Variants in HTR2C observed in about 807,000 individuals in gnomAD.
HTR2C encodes the protein 5-hydroxytryptamine receptor 2C.
In HTR2C, 5 loss-of-function variants were observed where a neutral mutation model predicts 21.0. That is an observed-to-expected ratio of 0.24 (90% CI 0.12 to 0.50). The LOEUF (loss-of-function observed/expected upper bound fraction) is 0.50, where lower values mean the gene tolerates loss of function less well. Ranked by LOEUF, HTR2C falls within the 20% of genes least tolerant of loss-of-function variation. The pLI is 0.98. For missense variants in HTR2C, 271 were observed against 371.2 expected, an observed-to-expected ratio of 0.73 and a Z score of 2.22; for synonymous variants, 150 against 145.3, an observed-to-expected ratio of 1.03 and a Z score of -0.23.
intron 2 of HTR2C, among the ~76,000 whole-genome samples, chrX:114,715,789 A>C (rs1932983882): frequency 8.9e-6 from 1 of 111,900 alleles, no homozygotes; most frequent in Non-Finnish European, 1.9e-5. Context: ...ATGCAATTTC[A>C]TTTTATTCAT....
At chrX:114,874,514 AT>A (rs1211094179) in intron 5 of HTR2C, among the ~76,000 whole-genome samples, 1,075 of 103,896 alleles carry the variant, frequency 0.01, 21 homozygotes, top group Admixed American at 0.074. Context: ...ATGGTTTTGT[AT>A]TTTTTTTTTT....
intron 5 of HTR2C, among the ~76,000 whole-genome samples, chrX:114,889,257 C>T (rs937663404): frequency 8.9e-6 from 1 of 111,890 alleles, no homozygotes; most frequent in Non-Finnish European, 1.9e-5. Context: ...ACAGAGATTA[C>T]CTTAATTGCC....
chrX:114,678,339 A>T (rs1556413079), intron 2 of HTR2C, among the ~76,000 whole-genome samples: 1 of 110,874 alleles, frequency 9.0e-6, no homozygotes, highest in Non-Finnish European at 1.9e-5. Context: ...GACCTAAATT[A>T]AAAAGGTCAA....
chrX:114,707,776 T>G (rs1556418553), intron 2 of HTR2C, among the ~76,000 whole-genome samples: 1 of 110,975 alleles, frequency 9.0e-6, no homozygotes, highest in Non-Finnish European at 1.9e-5. Context: ...TTGTCAGTCT[T>G]TCTCATTTGA....
chrX:114,633,567 T>C (rs1556404669), intron 2 of HTR2C, among the ~76,000 whole-genome samples: 1 of 111,561 alleles, frequency 9.0e-6, no homozygotes, highest in Non-Finnish European at 1.9e-5. Flanking sequence ...ATTTTTATCA[T>C]TAAACCTCTA....
intron 1 of HTR2C, among the ~76,000 whole-genome samples, chrX:114,587,605 C>T (rs1381048556): frequency 9.8e-5 from 11 of 111,708 alleles, no homozygotes; most frequent in African/African-American, 3.6e-4. Flanking sequence ...TAAATTATTG[C>T]ACTAAGCAAC....
At chrX:114,836,660 C>A (rs782652323) in intron 4 of HTR2C, among the ~76,000 whole-genome samples, 13 of 112,271 alleles carry the variant, frequency 1.2e-4, no homozygotes, top group African/African-American at 2.3e-4. Flanking sequence ...AGAAATCACC[C>A]GTCTTCTGCA....
At chrX:114,608,657 G>C (rs1556397849) in intron 1 of HTR2C, among the ~76,000 whole-genome samples, 1 of 111,745 alleles carries the variant, frequency 8.9e-6, no homozygotes, top group African/African-American at 3.2e-5. Flanking sequence ...ATAAAATTTT[G>C]TCTCTGAGCT....
intron 2 of HTR2C, among the ~76,000 whole-genome samples, chrX:114,700,674 G>A (rs1472770953): frequency 8.9e-6 from 1 of 112,456 alleles, no homozygotes; most frequent in Non-Finnish European, 1.9e-5. Context: ...GAGGTATCAG[G>A]TTAATCTCAC....
At chrX:114,831,541 G>A (rs1394452835) in intron 4 of HTR2C, among the ~76,000 whole-genome samples, 1 of 89,360 alleles carries the variant, frequency 1.1e-5, no homozygotes, top group Non-Finnish European at 2.2e-5. Flanking sequence ...TTTTTGATGG[G>A]GTTGTTTGTT....
intron 4 of HTR2C, among the ~76,000 whole-genome samples, chrX:114,743,524 G>A (rs912896494): frequency 4.0e-4 from 45 of 111,578 alleles, no homozygotes; most frequent in Non-Finnish European, 7.5e-4. Context: ...AGATGACAGA[G>A]GAAAGAGTCA....
intron 4 of HTR2C, among the ~76,000 whole-genome samples, chrX:114,777,542 G>A (rs1203225297): frequency 1.8e-5 from 2 of 111,801 alleles, no homozygotes. Flanking sequence ...AACTTGTGGA[G>A]AATTTTCTAT....
chrX:114,751,157 G>T (rs1419921079), intron 4 of HTR2C, among the ~76,000 whole-genome samples: 1 of 111,570 alleles, frequency 9.0e-6, no homozygotes, highest in East Asian at 2.8e-4. Context: ...CTGGCTCAAG[G>T]TTATTTTAAA....
At chrX:114,867,059 G>GT (rs1401185926) in intron 5 of HTR2C, among the ~76,000 whole-genome samples, 1 of 111,467 alleles carries the variant, frequency 9.0e-6, no homozygotes, top group Non-Finnish European at 1.9e-5. Context: ...TCAATTTTTA[G>GT]TTTTTTGAGG....
intron 2 of HTR2C, among the ~76,000 whole-genome samples, chrX:114,725,762 G>T (rs782600904): frequency 9.0e-6 from 1 of 110,741 alleles, no homozygotes; most frequent in African/African-American, 3.3e-5. Context: ...AGGTCTTTTG[G>T]AGTACCCGGC....
chrX:114,896,650 A>G (rs1490438819), intron 5 of HTR2C, among the ~76,000 whole-genome samples: 1 of 112,305 alleles, frequency 8.9e-6, no homozygotes, highest in African/African-American at 3.2e-5. Flanking sequence ...TGACAATAAT[A>G]TAGCCATGCT....
chrX:114,614,987 T>C (rs1378721605), intron 2 of HTR2C, among the ~76,000 whole-genome samples: 1 of 111,970 alleles, frequency 8.9e-6, no homozygotes, highest in Non-Finnish European at 1.9e-5. Flanking sequence ...GAAGAACTGA[T>C]ACGATGGTAT....
At chrX:114,874,158 GTC>G (rs2071113963) in intron 5 of HTR2C, among the ~76,000 whole-genome samples, 1 of 98,864 alleles carries the variant, frequency 1.0e-5, no homozygotes, top group Non-Finnish European at 2.1e-5. Context: ...GTGTGTGTGT[GTC>G]ATATTTTCTT....
At chrX:114,709,841 C>T (rs1289879552) in intron 2 of HTR2C, among the ~76,000 whole-genome samples, 1 of 111,581 alleles carries the variant, frequency 9.0e-6, no homozygotes, top group Non-Finnish European at 1.9e-5. Context: ...TTCAGAAATG[C>T]ATTCCAAAGT....
Sources: gnomAD v4.1 joint callset for allele counts (sites outside exome capture counted in the v4.1 genomes callset) on GRCh38, gnomAD v4.1.1 for gene constraint, MANE v1.5 for transcripts, NCBI Gene and HGNC (gene_info 2026-07-23, HGNC 2026-07-21) for gene names.